Variants in ARIH2 observed in about 807,000 individuals in gnomAD.
The protein encoded by ARIH2 is E3 ubiquitin-protein ligase ARIH2.
Under a neutral mutation model 79.8 loss-of-function variants are expected in ARIH2, and 12 were observed. That is an observed-to-expected ratio of 0.15 (90% CI 0.10 to 0.24). The LOEUF is 0.24. Among genes scored for constraint, ARIH2 ranks in the 10% least tolerant of loss-of-function variants. The probability of loss-of-function intolerance (pLI) is 1.00; values close to 1 mark genes in which losing one functional copy is unlikely to be tolerated. For missense variants in ARIH2, 301 were observed against 618.3 expected, an observed-to-expected ratio of 0.49 and a Z score of 5.44; for synonymous variants, 224 against 213.9, an observed-to-expected ratio of 1.05 and a Z score of -0.41.
intron 3 of ARIH2, among the ~76,000 whole-genome samples, chr3:48,933,316 GGTGTGT>G (rs150441338): frequency 4.3e-5 from 6 of 140,132 alleles, no homozygotes; most frequent in Non-Finnish European, 9.3e-5. Context: ...CATGCCCGGG[GGTGTGT>G]GTGTGTGTGT....
intron 3 of ARIH2, among the ~76,000 whole-genome samples, chr3:48,936,720 G>A (rs559901440): frequency 4.0e-5 from 6 of 150,908 alleles, no homozygotes; most frequent in Non-Finnish European, 7.4e-5. Flanking sequence ...GCAACAGAGC[G>A]AGACTCTGTC....
chr3:48,969,122 C>T (rs911093463), intron 7 of ARIH2, among the ~76,000 whole-genome samples: 7 of 151,966 alleles, frequency 4.6e-5, no homozygotes, highest in Non-Finnish European at 1.5e-5. Flanking sequence ...ATCTGCCCCC[C>T]TCGGCCTCCC....
chr3:48,928,870 A>G (rs987388212), intron 3 of ARIH2, among the ~76,000 whole-genome samples: 1 of 151,552 alleles, frequency 6.6e-6, no homozygotes, highest in Non-Finnish European at 1.5e-5. Context: ...GTGATTGTAG[A>G]CTTCCTGTCT....
rs762257343 is a variant in ARIH2, at chr3:48,961,569, A to C, written c.256-43A>C. On this transcript the variant is annotated intron_variant, in intron 3 of 15. Coordinates refer to ENST00000356401, the MANE Select transcript of ARIH2 (RefSeq NM_006321.4). ...CTCAAAATGCGAAACACTTTAAAAGAAAATGCAGTTATAATTCGATTTTTT... is the reference window on the plus strand; with the variant it reads ...CTCAAAATGCGAAACACTTTAAAAGCAAATGCAGTTATAATTCGATTTTTT... 4 of 1,260,738 alleles carry C rather than the reference A, an allele frequency of 3.2e-6. No homozygotes were observed. The South Asian group carries it at 4.8e-5, about 15-fold the overall frequency. 78.1% of individuals were successfully genotyped at this position (1,260,738 alleles called of 1,614,324 possible).
In ARIH2 at chr3:48,982,864, C is replaced by T. The variant is rs1402540810; in HGVS notation, c.1327-32C>T. ...GGCCCTGCCCCAGCCACAGCCCACT[C>T]ACCTTTTGACCCTCCTGCTCTGCCT... is the stretch of plus-strand genomic sequence containing the variant. On this transcript the variant is annotated intron_variant, in intron 14 of 15. Coordinates refer to ENST00000356401, the MANE Select transcript of ARIH2 (RefSeq NM_006321.4). 2.5e-6 allele frequency: 4 copies of T among 1,592,666 alleles called. No individual in the cohort carries two copies. The Admixed American group carries it at 6.7e-5, about 27-fold the overall frequency.
At chr3:48,979,345 C>T (rs555280512) in intron 11 of ARIH2, 137 bp from the exon 12 acceptor site, 91 of 818,704 alleles carry the variant, frequency 1.1e-4, no homozygotes, top group African/African-American at 7.8e-4. Flanking sequence ...CACATTCCTT[C>T]GGGAAAGAGG....
At chr3:48,933,705 A>G (rs1366370715) in intron 3 of ARIH2, among the ~76,000 whole-genome samples, 1 of 151,534 alleles carries the variant, frequency 6.6e-6, no homozygotes, top group South Asian at 2.1e-4. Flanking sequence ...GCCCGCCACC[A>G]CACCCGGCTA....
chr3:48,956,960 G>A (rs1238487278), intron 3 of ARIH2, among the ~76,000 whole-genome samples: 1 of 152,034 alleles, frequency 6.6e-6, no homozygotes, highest in African/African-American at 2.4e-5. Flanking sequence ...TGATCTGCCC[G>A]CCTCGGCCTC....
In ARIH2 at chr3:48,918,961, C is replaced by T. The variant is rs780552957; in HGVS notation, c.-199C>T. On this transcript the variant is annotated 5_prime_UTR_variant, in exon 1 of 16. Transcript: ENST00000356401. ...TCTGGCCCGGCCTGACCCGGTCTGG[C>T]TTGTTCGGGCTCAGCGGCCGCGAGG... 39 of 1,504,174 alleles carry T rather than the reference C, an allele frequency of 2.6e-5. No individual in the cohort carries two copies. Among genetic ancestry groups the T allele is most frequent in the African/African-American group, 1.8e-4 (13 of 71,430 alleles). 93.2% of individuals were successfully genotyped at this position (1,504,174 alleles called of 1,614,324 possible).
rs1324551448 is a variant in ARIH2, at chr3:48,983,345, G to A, written c.*75G>A. 1.3e-6 allele frequency: 2 copies of A among 1,500,118 alleles called. No individual in the cohort carries two copies. Among genetic ancestry groups the A allele is most frequent in the Non-Finnish European group, 1.9e-6 (2 of 1,079,904 alleles). 92.9% of individuals were successfully genotyped at this position (1,500,118 alleles called of 1,614,324 possible). A position where few individuals can be genotyped will look rare whatever the true frequency, so the allele number is the denominator to read the frequency against. ...CCGGCTGCCATACTGCATGCTGCAGGCTCTGCCTTTCATGACCCCAGGCAA... is the reference window on the plus strand; with the variant it reads ...CCGGCTGCCATACTGCATGCTGCAGACTCTGCCTTTCATGACCCCAGGCAA... On this transcript the variant is annotated 3_prime_UTR_variant, in exon 16 of 16. Coordinates refer to ENST00000356401, the MANE Select transcript of ARIH2 (RefSeq NM_006321.4).
intron 11 of ARIH2, among the ~76,000 whole-genome samples, chr3:48,975,582 G>A (rs111520025): frequency 2.0e-5 from 3 of 150,358 alleles, no homozygotes; most frequent in African/African-American, 7.3e-5. Flanking sequence ...TTTTTTTTTG[G>A]GAGAAGGAGT....
At chr3:48,927,900 T>C (rs943559282) in intron 3 of ARIH2, 87 bp downstream of exon 3, 26 of 1,504,712 alleles carry the variant, frequency 1.7e-5, no homozygotes, top group Admixed American at 4.1e-5. Context: ...TCCAGACTAA[T>C]TGAATGGCCT....
At chr3:48,919,550 T>C (rs1358495041) in intron 1 of ARIH2, among the ~76,000 whole-genome samples, 3 of 152,256 alleles carry the variant, frequency 2.0e-5, no homozygotes, top group African/African-American at 7.2e-5. Context: ...CCTGGTCCCA[T>C]AGAACTTTCT....
chr3:48,959,920 A>C (rs2091074511), intron 3 of ARIH2, among the ~76,000 whole-genome samples: 1 of 152,174 alleles, frequency 6.6e-6, no homozygotes, highest in African/African-American at 2.4e-5. Flanking sequence ...TGAGCGCTAG[A>C]AGGAGGGATC....
chr3:48,949,743 A>C (rs2089708432), intron 3 of ARIH2, among the ~76,000 whole-genome samples: 1 of 151,842 alleles, frequency 6.6e-6, no homozygotes, highest in African/African-American at 2.4e-5. Context: ...TCTAAGAGAG[A>C]ATTCTTTACA....
At position 48,973,702 on chromosome 3, in the gene ARIH2, C is replaced by A; in HGVS notation, c.774C>A (p.Phe258Leu). ...QCNRCNEVFCFKCRQMYHAPT... is the reference protein window; with the variant it reads ...QCNRCNEVFCLKCRQMYHAPT... ...GTTTTTCTTTTCCAATTTTAAGTTTCAAGTGTCGTCAGATGTATCACGCAC... is the reference window on the plus strand; with the variant it reads ...GTTTTTCTTTTCCAATTTTAAGTTTAAAGTGTCGTCAGATGTATCACGCAC... Residue 258 changes from phenylalanine to leucine, a missense_variant, in exon 9 of 16, where the codon TTC becomes TTA. Transcript: ENST00000356401. The A allele has an allele frequency of 6.2e-7, 1 of 1,610,024 alleles. No individual in the cohort carries two copies. The highest frequency in any genetic ancestry group is 8.5e-7 in the Non-Finnish European group (1 of 1,177,356).
chr3:48,922,082 T>G (rs995632269), intron 1 of ARIH2, among the ~76,000 whole-genome samples: 1 of 152,116 alleles, frequency 6.6e-6, no homozygotes, highest in Admixed American at 6.6e-5. Flanking sequence ...CATTTAGGAT[T>G]GAAATTGTGG....
chr3:48,966,757 C>CA (rs1205084118), intron 5 of ARIH2, among the ~76,000 whole-genome samples: 1 of 152,152 alleles, frequency 6.6e-6, no homozygotes, highest in Non-Finnish European at 1.5e-5. Context: ...GGGTAGTCTA[C>CA]AAAAGAAACC....
chr3:48,957,411 G>C (rs562904010), intron 3 of ARIH2, among the ~76,000 whole-genome samples: 2 of 152,330 alleles, frequency 1.3e-5, no homozygotes, highest in South Asian at 2.1e-4. Context: ...GCTACCCAGT[G>C]TCCAGTCCAT....
Sources: gnomAD v4.1 joint callset for allele counts (sites outside exome capture counted in the v4.1 genomes callset) on GRCh38, gnomAD v4.1.1 for gene constraint, MANE v1.5 for transcripts, NCBI Gene and HGNC (gene_info 2026-07-23, HGNC 2026-07-21) for gene names.